The following AKAP8L variants were observed in gnomAD, a reference collection of about 807,000 sequenced individuals.
AKAP8L encodes the protein A-kinase anchoring protein 8 like.
AKAP8L carries 34 observed loss-of-function variants against 77.5 expected under a neutral mutation model. The observed-to-expected ratio is 0.44, with a 90% CI of 0.33 to 0.58. The LOEUF (loss-of-function observed/expected upper bound fraction) is 0.58. Ranked by LOEUF, AKAP8L falls within the 20% of genes least tolerant of loss-of-function variation. AKAP8L has a pLI of 0.02. For missense variants in AKAP8L, 806 were observed against 887.6 expected, an observed-to-expected ratio of 0.91 and a Z score of 1.17; for synonymous variants, 342 against 340.7, an observed-to-expected ratio of 1.00 and a Z score of -0.04.
intron 2 of AKAP8L, among the ~76,000 whole-genome samples, chr19:15,408,658 A>T (rs1968049919): frequency 6.6e-6 from 1 of 151,234 alleles, no homozygotes. Flanking sequence ...CCGAGGCGGG[A>T]GGATCACGAG....
intron 2 of AKAP8L, among the ~76,000 whole-genome samples, chr19:15,404,773 G>A (rs913706314): frequency 6.6e-6 from 1 of 152,210 alleles, no homozygotes; most frequent in African/African-American, 2.4e-5. Flanking sequence ...GCTCATCCCA[G>A]GGCAGGGGAC....
chr19:15,409,583 T>A (rs1196888813), intron 2 of AKAP8L, among the ~76,000 whole-genome samples: 1 of 152,178 alleles, frequency 6.6e-6, no homozygotes. Context: ...TCTCAGTAAC[T>A]AAGACATTAT....
At chr19:15,406,872 C>A (rs1316178109) in intron 2 of AKAP8L, among the ~76,000 whole-genome samples, 1 of 152,190 alleles carries the variant, frequency 6.6e-6, no homozygotes, top group East Asian at 1.9e-4. Context: ...AATAGTTAAT[C>A]AGATTACACC....
intron 4 of AKAP8L, among the ~76,000 whole-genome samples, chr19:15,402,699 C>A (rs539731013): frequency 6.6e-6 from 1 of 152,346 alleles, no homozygotes; most frequent in South Asian, 2.1e-4. Flanking sequence ...TTGGCTCTCA[C>A]TCATCTGTTA....
intron 12 of AKAP8L, among the ~76,000 whole-genome samples, chr19:15,386,817 C>T (rs182130949): frequency 2.0e-5 from 3 of 152,316 alleles, no homozygotes; most frequent in East Asian, 3.9e-4. Flanking sequence ...CGCCACCAAG[C>T]CCGGCTAATT....
chr19:15,391,202 T>A (rs888878433), intron 12 of AKAP8L, among the ~76,000 whole-genome samples: 1 of 152,130 alleles, frequency 6.6e-6, no homozygotes, highest in Non-Finnish European at 1.5e-5. Context: ...GGCTCATGCC[T>A]GTAATCCCAG....
At chr19:15,412,558 T>C (rs1403068210) in intron 1 of AKAP8L, among the ~76,000 whole-genome samples, 4 of 152,144 alleles carry the variant, frequency 2.6e-5, no homozygotes, top group Admixed American at 6.5e-5. Flanking sequence ...AATACATATA[T>C]ATTTTTTTGA....
intron 1 of AKAP8L, among the ~76,000 whole-genome samples, chr19:15,415,560 A>G (rs1968188211): frequency 6.6e-6 from 1 of 152,026 alleles, no homozygotes; most frequent in Non-Finnish European, 1.5e-5. Context: ...GCATGATCAT[A>G]GCTCAGCAAT....
chr19:15,382,935 G>T (rs139262050), intron 12 of AKAP8L, among the ~76,000 whole-genome samples: 67 of 152,126 alleles, frequency 4.4e-4, no homozygotes, highest in African/African-American at 1.5e-3. Flanking sequence ...TGAGGTAGAG[G>T]GTCCAAAATT....
intron 2 of AKAP8L, among the ~76,000 whole-genome samples, chr19:15,409,280 T>A (rs1021153178): frequency 2.0e-5 from 3 of 151,978 alleles, no homozygotes. Context: ...GAATATGCAA[T>A]CCAGAGGGAA....
Position 15,398,905 on chromosome 19 carries a change from G to T in AKAP8L, c.1157+397C>A. On this transcript the variant is annotated intron_variant, in intron 9 of 13. Transcript: ENST00000397410. This position sits in a 1 kb window ranked among gnomAD's most constrained non-coding sequence, Gnocchi z 9.2. ...AGGTGCTGCCATCTCTCCTGGGCAC[G>T]GCGGTGGCCTCTTGGCAGCTAGCTG... 1 of 717,750 alleles carries T rather than the reference G, an allele frequency of 1.4e-6. No individual in the cohort carries two copies. Among genetic ancestry groups the T allele is most frequent in the Non-Finnish European group, 1.8e-6 (1 of 552,802 alleles). The allele number at this position is 717,750 out of a possible 1,614,324, so 44.5% of individuals were successfully genotyped here. A position where few individuals can be genotyped will look rare whatever the true frequency, so the allele number is the denominator to read the frequency against.
chr19:15,414,086 C>A lies in AKAP8L; in HGVS notation c.14-3492G>T, dbSNP rs565289449. ...TTTTTTTTTTTTTTTTTTTTTGAGA[C>A]GGAGTTTCACTCTTGTTGCCCAGGC... On this transcript the variant is annotated intron_variant, in intron 1 of 13. Coordinates refer to ENST00000397410, the MANE Select transcript of AKAP8L (RefSeq NM_014371.4). Among the ~76,000 whole-genome samples, 35 of 117,292 alleles carry A rather than the reference C, an allele frequency of 3.0e-4. No individual in the cohort carries two copies. The South Asian group carries it at 9.7e-3, about 32-fold the overall frequency. The allele number at this position is 117,292 out of a possible 152,430, so 76.9% of individuals were successfully genotyped here.
chr19:15,409,976 C>T (rs1599619305), intron 2 of AKAP8L, among the ~76,000 whole-genome samples: 2 of 152,008 alleles, frequency 1.3e-5, no homozygotes, highest in South Asian at 4.2e-4. Context: ...CAGAGTCTTG[C>T]TCTGTTGCCA....
chr19:15,390,711 T>G (rs1967642792), intron 12 of AKAP8L, among the ~76,000 whole-genome samples: 1 of 152,148 alleles, frequency 6.6e-6, no homozygotes, highest in Admixed American at 6.6e-5. Flanking sequence ...TATATAAACA[T>G]AATTACACAC....
chr19:15,405,550 A>C (rs1312672627), intron 2 of AKAP8L, among the ~76,000 whole-genome samples: 3 of 152,000 alleles, frequency 2.0e-5, no homozygotes, highest in East Asian at 1.9e-4. Context: ...AAATAGAACA[A>C]CACACAGGTA....
chr19:15,394,942 A>G (rs1224427832), intron 12 of AKAP8L, among the ~76,000 whole-genome samples: 1 of 145,138 alleles, frequency 6.9e-6, no homozygotes, highest in Non-Finnish European at 1.5e-5. Context: ...TACGGTTACC[A>G]GCTGCTATGG....
intron 2 of AKAP8L, among the ~76,000 whole-genome samples, chr19:15,407,886 A>G (rs1244174313): frequency 1.3e-5 from 2 of 152,260 alleles, no homozygotes; most frequent in Non-Finnish European, 1.5e-5. Context: ...TTTTTAAAAA[A>G]CTTCATAAAC....
intron 2 of AKAP8L, among the ~76,000 whole-genome samples, chr19:15,407,874 AT>A (rs1477023782): frequency 1.3e-5 from 2 of 152,260 alleles, no homozygotes; most frequent in Non-Finnish European, 2.9e-5. Flanking sequence ...CTCAGCATGA[AT>A]TTTTTAAAAA....
In AKAP8L at chr19:15,380,090, GCCACGCGGGCTCCGC is replaced by G. The variant is rs1429445525; in HGVS notation, c.*17_*31del. ...TTATTAGGTTTGGTTTCCAGCTTCG[GCCACGCGGGCTCCGC>G]CCGCCCCGAGCTCGGGTCACGGGGC... On this transcript the variant is annotated 3_prime_UTR_variant, in exon 14 of 14. Coordinates refer to ENST00000397410, the MANE Select transcript of AKAP8L (RefSeq NM_014371.4). The G allele has an allele frequency of 6.9e-7, 1 of 1,453,830 alleles. No homozygotes were observed. Among genetic ancestry groups the G allele is most frequent in the Non-Finnish European group, 9.0e-7 (1 of 1,115,304 alleles). The allele number at this position is 1,453,830 out of a possible 1,614,324, so 90.1% of individuals were successfully genotyped here. A position where few individuals can be genotyped will look rare whatever the true frequency, so the allele number is the denominator to read the frequency against.
Sources: allele counts gnomAD v4.1 joint callset (sites outside exome capture counted in the v4.1 genomes callset), GRCh38; gene constraint gnomAD v4.1.1; non-coding constraint Gnocchi (gnomAD v3.1); transcripts MANE v1.5; gene names NCBI Gene and HGNC (gene_info 2026-07-23, HGNC 2026-07-21).